Variants in TRIO observed in about 807,000 individuals in gnomAD.
TRIO encodes the protein triple functional domain protein.
Under a neutral mutation model 351.9 loss-of-function variants are expected in TRIO, and 58 were observed. The ratio of observed to expected loss-of-function variants is 0.16; its 90% CI spans 0.13 to 0.21. TRIO has a LOEUF of 0.21. Ranked by LOEUF, TRIO falls within the 10% of genes least tolerant of loss-of-function variation. The pLI, the probability that TRIO is intolerant of heterozygous loss-of-function variation, is 1.00. For synonymous variants in TRIO, 1,758 were observed against 1,595.7 expected, an observed-to-expected ratio of 1.10 and a Z score of -2.42; for missense variants, 3,201 against 4,027.8, an observed-to-expected ratio of 0.79 and a Z score of 5.56.
intron 1 of TRIO, among the ~76,000 whole-genome samples, chr5:14,233,780 T>G (rs542061274): frequency 1.1e-4 from 16 of 152,172 alleles, no homozygotes; most frequent in African/African-American, 3.9e-4. Context: ...TGGTTTTGTG[T>G]TTTTTGTTTG....
chr5:14,301,140 A>G (rs769966528), intron 7 of TRIO, among the ~76,000 whole-genome samples: 22 of 152,124 alleles, frequency 1.4e-4, no homozygotes, highest in Admixed American at 3.9e-4. Flanking sequence ...AGGAAAAGCA[A>G]TCTGTTAATT....
intron 34 of TRIO, among the ~76,000 whole-genome samples, chr5:14,440,465 AAG>A (rs754168456): frequency 5.3e-5 from 8 of 152,232 alleles, no homozygotes; most frequent in Non-Finnish European, 1.0e-4. Flanking sequence ...GAAACTTTCA[AAG>A]AGAGAGTAAG....
rs1182069823 is a variant in TRIO at position 14,358,287 on chromosome 5, C to G, written c.2156C>G (p.Thr719Ser). The change falls in exon 12 of 57, where the codon ACC (threonine) becomes AGC (serine). Residue 719 changes from threonine to serine, a missense_variant. Around this residue, in one of 19 missense-constraint regions of TRIO, gnomAD observed 363 missense variants for 553.5 expected, o/e 0.66. Coordinates refer to ENST00000344204, the MANE Select transcript of TRIO (RefSeq NM_007118.4). The stretch of plus-strand genomic sequence containing the variant: ...AAGCGCTTTGGCCAGCAGCAGCAGA[C>G]CACCCTGCAGGTGACTGTCAACGTG... Reference protein sequence around the residue: ...LIKRFGQQQQTTLQVTVNVIK... With the variant: ...LIKRFGQQQQSTLQVTVNVIK... The G allele has an allele frequency of 6.2e-7, 1 of 1,614,106 alleles. No individual in the cohort carries two copies. The highest frequency in any genetic ancestry group is 8.5e-7 in the Non-Finnish European group (1 of 1,180,040).
chr5:14,406,100 A>AT (rs1748691138), intron 32 of TRIO, 110 bp downstream of exon 32: 2 of 1,448,340 alleles, frequency 1.4e-6, no homozygotes, highest in Non-Finnish European at 9.2e-7. Context: ...TGAGGAATAC[A>AT]TTTTTTAAAC....
intron 1 of TRIO, among the ~76,000 whole-genome samples, chr5:14,256,369 A>G (rs571481162): frequency 1.2e-3 from 181 of 152,298 alleles, no homozygotes; most frequent in Admixed American, 2.3e-3. Context: ...TCACATTTCA[A>G]CACGAGATTT....
chr5:14,499,486 AGAT>A (rs1485125656), intron 53 of TRIO, among the ~76,000 whole-genome samples: 1 of 152,240 alleles, frequency 6.6e-6, no homozygotes. Context: ...TCCAAATGAA[AGAT>A]AAATTGAGTC....
At chr5:14,334,866 C>A (rs921490145) in intron 10 of TRIO, among the ~76,000 whole-genome samples, 2 of 152,216 alleles carry the variant, frequency 1.3e-5, no homozygotes, top group African/African-American at 4.8e-5. Context: ...ACAGCAGAGC[C>A]GTTGGTGCTC....
chr5:14,275,155 G>A (rs1314211526), intron 2 of TRIO, among the ~76,000 whole-genome samples: 1 of 152,118 alleles, frequency 6.6e-6, no homozygotes, highest in Non-Finnish European at 1.5e-5. Context: ...TTATATATTT[G>A]TGGATATCTG....
chr5:14,390,149 G>A, intron 25 of TRIO, 82 bp from the exon 26 acceptor site: 2 of 1,299,914 alleles, frequency 1.5e-6, no homozygotes, highest in South Asian at 2.7e-5. Flanking sequence ...AGGGGGCACA[G>A]ATTTCTCAGT....
intron 1 of TRIO, among the ~76,000 whole-genome samples, chr5:14,174,638 A>G (rs1455772074): frequency 1.3e-5 from 2 of 152,228 alleles, no homozygotes; most frequent in African/African-American, 4.8e-5. Flanking sequence ...AGATTCTGCC[A>G]CAGAGTTTAT....
At chr5:14,176,723 G>A (rs949783767) in intron 1 of TRIO, among the ~76,000 whole-genome samples, 67 of 152,148 alleles carry the variant, frequency 4.4e-4, no homozygotes, top group Non-Finnish European at 7.2e-4. Flanking sequence ...GATTAGAGGC[G>A]GGAGCCACCA....
At chr5:14,435,671 T>C (rs1751524413) in intron 34 of TRIO, among the ~76,000 whole-genome samples, 1 of 152,246 alleles carries the variant, frequency 6.6e-6, no homozygotes, top group African/African-American at 2.4e-5. Context: ...TGCCATTCTT[T>C]ACTTATATCA....
intron 36 of TRIO, 91 bp downstream of exon 36, chr5:14,463,016 G>A: frequency 7.0e-7 from 1 of 1,423,596 alleles, no homozygotes. Flanking sequence ...CATTTCAGGA[G>A]ACAGGAGGCC....
intron 1 of TRIO, among the ~76,000 whole-genome samples, chr5:14,148,349 G>A (rs1023179357): frequency 6.6e-6 from 1 of 152,186 alleles, no homozygotes; most frequent in African/African-American, 2.4e-5. Context: ...TGTGTTTGAA[G>A]CTGTCATAAT....
intron 1 of TRIO, among the ~76,000 whole-genome samples, chr5:14,157,181 A>G (rs1307272017): frequency 6.6e-6 from 1 of 152,192 alleles, no homozygotes; most frequent in African/African-American, 2.4e-5. Context: ...ATGACTTGAA[A>G]GACTGTTGCT....
At chr5:14,278,067 G>T (rs1052501991) in intron 2 of TRIO, among the ~76,000 whole-genome samples, 1 of 152,180 alleles carries the variant, frequency 6.6e-6, no homozygotes, top group Non-Finnish European at 1.5e-5. Flanking sequence ...TTCAGATTCA[G>T]GTGTCTATAA....
Position 14,504,520 on chromosome 5 carries a change from C to T in TRIO, c.8539C>T (p.Leu2847Phe), listed in dbSNP as rs750037919. The stretch of plus-strand genomic sequence containing the variant: ...CCATGAGCTTGGCATCCTGCAGAGC[C>T]TCCAGCACCCCCTGCTTGTCGGCCT... ...VTHELGILQS[L>F]QHPLLVGLLD... is the part of the protein sequence containing the mutation. The change falls in exon 55 of 57, where the codon CTC becomes TTC. Residue 2847 changes from leucine to phenylalanine, a missense_variant. By Grantham distance (22) the Leu-to-Phe change is conservative (BLOSUM62 0). Coordinates refer to ENST00000344204, the MANE Select transcript of TRIO (RefSeq NM_007118.4). The T allele has an allele frequency of 6.2e-7, 1 of 1,614,122 alleles. No individual in the cohort carries two copies. The highest frequency in any genetic ancestry group is 1.1e-5 in the South Asian group (1 of 91,080).
intron 1 of TRIO, among the ~76,000 whole-genome samples, chr5:14,248,065 C>CA (rs71599612): frequency 0.65 from 85,392 of 132,116 alleles, 27,977 homozygotes; most frequent in East Asian, 0.9. Context: ...GACTCCGTCT[C>CA]AAAAAAAAAA....
intron 8 of TRIO, among the ~76,000 whole-genome samples, chr5:14,313,638 A>G (rs1049406008): frequency 3.3e-5 from 5 of 152,180 alleles, no homozygotes; most frequent in Non-Finnish European, 7.4e-5. Context: ...TGGTAGCTCT[A>G]TTAGTAAGAG....
Sources: allele counts gnomAD v4.1 joint callset (sites outside exome capture counted in the v4.1 genomes callset), GRCh38; gene constraint gnomAD v4.1.1; regional missense constraint gnomAD v4.1.1; transcripts MANE v1.5; gene names NCBI Gene and HGNC (gene_info 2026-07-23, HGNC 2026-07-21).